GPD2: variants seen among roughly 807,000 people sequenced by gnomAD.
GPD2 encodes glycerol-3-phosphate dehydrogenase, mitochondrial.
A neutral mutation model predicts 82.4 loss-of-function variants in GPD2; 54 were observed. The ratio of observed to expected loss-of-function variants is 0.66; its 90% CI spans 0.53 to 0.82. The LOEUF (loss-of-function observed/expected upper bound fraction) is 0.82. GPD2 is among the 40% of genes least tolerant of loss of function. GPD2 has a pLI of 0.00. For synonymous variants in GPD2, 288 were observed against 306.1 expected, an observed-to-expected ratio of 0.94 and a Z score of 0.62; for missense variants, 748 against 896.2, an observed-to-expected ratio of 0.83 and a Z score of 2.11.
Position 156,557,551 on chromosome 2 carries a change from A to G in GPD2, c.1134A>G (p.Glu378=). 6.2e-7 allele frequency: 1 copy of G among 1,600,230 alleles called. No homozygotes were observed. The highest frequency in any genetic ancestry group is 8.6e-7 in the Non-Finnish European group (1 of 1,167,374). Residue 378 remains glutamate (E), a synonymous_variant, in exon 9 of 17, where the codon GAA becomes GAG. Coordinates refer to ENST00000438166, the MANE Select transcript of GPD2 (RefSeq NM_000408.5). ...AAGATATCAACTTCATTTTGAATGA[A>G]GTGCGTAATTACCTGAGTTGTGATG... The part of the protein sequence containing the change: ...SEEDINFILN[E]VRNYLSCDVE...
intron 2 of GPD2, among the ~76,000 whole-genome samples, chr2:156,484,472 A>G (rs115757950): frequency 0.021 from 3,258 of 152,264 alleles, 126 homozygotes; most frequent in African/African-American, 0.075. Context: ...TGCTATAAAA[A>G]CGAATGTTCC....
chr2:156,445,565 G>T (rs1360595943), intron 1 of GPD2, among the ~76,000 whole-genome samples: 1 of 152,206 alleles, frequency 6.6e-6, no homozygotes, highest in East Asian at 1.9e-4. Flanking sequence ...CCACGAAGTT[G>T]TTAAAATTTT....
intron 1 of GPD2, among the ~76,000 whole-genome samples, chr2:156,461,185 T>C (rs1408864702): frequency 1.0e-5 from 1 of 99,800 alleles, no homozygotes; most frequent in African/African-American, 3.8e-5. Flanking sequence ...TTTTTTTTTT[T>C]TGAGACAGGA....
chr2:156,577,048 C>T (rs1338879860), intron 13 of GPD2, among the ~76,000 whole-genome samples: 2 of 152,128 alleles, frequency 1.3e-5, no homozygotes, highest in Admixed American at 1.3e-4. Flanking sequence ...CAAACACACA[C>T]ATTTTAAATT....
chr2:156,491,770 C>A (rs1279550142), intron 2 of GPD2, among the ~76,000 whole-genome samples: 1 of 152,012 alleles, frequency 6.6e-6, no homozygotes, highest in African/African-American at 2.4e-5. Flanking sequence ...CACCTGTAAT[C>A]CCAGCACTTT....
chr2:156,429,272 T>A, the GPD2 span, among the ~76,000 whole-genome samples: 2 of 152,244 alleles, frequency 1.3e-5, no homozygotes, highest in East Asian at 3.8e-4. Context: ...GGATGATAAC[T>A]AAGCTTTACT....
the GPD2 span, among the ~76,000 whole-genome samples, chr2:156,413,870 C>T: frequency 1.1e-4 from 17 of 152,214 alleles, no homozygotes; most frequent in African/African-American, 3.6e-4. Flanking sequence ...TGCCATTGAC[C>T]TCCAGCCTGG....
intron 6 of GPD2, among the ~76,000 whole-genome samples, chr2:156,529,800 C>T (rs1307942547): frequency 6.6e-6 from 1 of 151,854 alleles, no homozygotes; most frequent in African/African-American, 2.4e-5. Context: ...TGATCTATAT[C>T]TCTGTTTTCG....
At chr2:156,434,039 TAAAGAAA>T (rs1484099800), upstream of GPD2, among the ~76,000 whole-genome samples, 1 of 152,188 alleles carries the variant, frequency 6.6e-6, no homozygotes, top group African/African-American at 2.4e-5. Flanking sequence ...TTTGTCAAAC[TAAAGAAA>T]AAAGAACTGA....
At position 156,570,105 on chromosome 2, in the gene GPD2, G is replaced by A. The variant is rs759884526; in HGVS notation, c.1495G>A (p.Ala499Thr). Residue 499 changes from alanine to threonine, a missense_variant, in exon 12 of 17, where the codon GCC becomes ACC. This residue lies in a region of GPD2 where 692 missense variants were observed against 809.7 expected (regional missense o/e 0.85). Transcript: ENST00000438166. ...LESEVAQHLA[A>T]TYGDKAFEVA... ...TCTCTAGGTGGCACAGCATCTTGCC[G>A]CCACCTATGGTGATAAGGCCTTTGA... The A allele has an allele frequency of 1.2e-5, 19 of 1,611,336 alleles. No homozygotes were observed. The Admixed American group carries it at 1.5e-4, about 13-fold the overall frequency.
intron 6 of GPD2, among the ~76,000 whole-genome samples, chr2:156,532,904 A>G (rs556266245): frequency 6.6e-6 from 1 of 152,338 alleles, no homozygotes; most frequent in Non-Finnish European, 1.5e-5. Context: ...TTTCTAATTT[A>G]TATTGTGAAA....
intron 9 of GPD2, among the ~76,000 whole-genome samples, chr2:156,561,909 A>G (rs993924572): frequency 1.3e-5 from 2 of 152,260 alleles, no homozygotes; most frequent in Admixed American, 6.5e-5. Context: ...TGTTGGGAAT[A>G]AGACCATGTC....
At chr2:156,581,412 A>C (rs1442289937) in intron 16 of GPD2, among the ~76,000 whole-genome samples, 5 of 151,836 alleles carry the variant, frequency 3.3e-5, no homozygotes, top group Admixed American at 6.6e-5. Context: ...GGCTTAAAAA[A>C]CCTCTAGCTT....
intron 6 of GPD2, among the ~76,000 whole-genome samples, chr2:156,547,014 C>T (rs1049875339): frequency 7.9e-5 from 12 of 152,084 alleles, no homozygotes; most frequent in African/African-American, 2.9e-4. Flanking sequence ...CAAAGACAAA[C>T]AAGTAAGCCT....
the GPD2 span, among the ~76,000 whole-genome samples, chr2:156,404,686 C>CAA: frequency 0.023 from 1,489 of 64,256 alleles, 13 homozygotes; most frequent in South Asian, 0.027. Flanking sequence ...TTAAAAATAC[C>CAA]AAAAAAAAAA....
At chr2:156,580,084 C>T (rs879740907) in intron 16 of GPD2, among the ~76,000 whole-genome samples, 10 of 152,174 alleles carry the variant, frequency 6.6e-5, no homozygotes, top group African/African-American at 9.7e-5. Flanking sequence ...TTTTTAAAGA[C>T]GTATGCCATG....
At position 156,449,102 on chromosome 2, in the gene GPD2, C is replaced by G. The variant is rs774228336; in HGVS notation, c.-9+12589C>G. On this transcript the variant is annotated intron_variant, in intron 1 of 16. Transcript: ENST00000438166. ...AAAGTGATTACATTTAGGGTTCCCC[C>G]TGGTAATTCAGAATAACCTTTCCCT... Among the ~76,000 whole-genome samples, 68 of 152,320 alleles carry G rather than the reference C, an allele frequency of 4.5e-4. No homozygotes were observed. In the Middle Eastern group the frequency reaches 0.01, roughly 23 times the overall value.
chr2:156,573,925 C>T (rs1240834099), intron 13 of GPD2, among the ~76,000 whole-genome samples: 1 of 152,162 alleles, frequency 6.6e-6, no homozygotes, highest in Non-Finnish European at 1.5e-5. Context: ...ATGAACTGTG[C>T]TTGTTTTTAC....
At chr2:156,571,096 G>C (rs752484673) in intron 12 of GPD2, 38 bp from the exon 13 acceptor site, 1 of 1,275,928 alleles carries the variant, frequency 7.8e-7, no homozygotes, top group Non-Finnish European at 1.1e-6. Flanking sequence ...TTCTAAAGAA[G>C]AGTCTCAACT....
Sources: gnomAD v4.1 joint callset for allele counts (sites outside exome capture counted in the v4.1 genomes callset) on GRCh38, gnomAD v4.1.1 for gene constraint, gnomAD v4.1.1 regional missense constraint, MANE v1.5 for transcripts, NCBI Gene and HGNC (gene_info 2026-07-23, HGNC 2026-07-21) for gene names.